Variants in FBXW11 observed in about 807,000 individuals in gnomAD.
The protein encoded by FBXW11 is F-box/WD repeat-containing protein 11.
FBXW11 carries 19 observed loss-of-function variants against 77.6 expected under a neutral mutation model. The observed-to-expected ratio is 0.24, with a 90% CI of 0.17 to 0.36. The LOEUF (loss-of-function observed/expected upper bound fraction) is 0.36. Among genes scored for constraint, FBXW11 ranks in the 10% least tolerant of loss-of-function variants. The pLI is 1.00. For synonymous variants in FBXW11, 235 were observed against 249.4 expected, an observed-to-expected ratio of 0.94 and a Z score of 0.54; for missense variants, 334 against 704.2, an observed-to-expected ratio of 0.47 and a Z score of 5.95.
chr5:171,897,429 C>T (rs772360439), intron 6 of FBXW11, among the ~76,000 whole-genome samples: 5 of 152,156 alleles, frequency 3.3e-5, no homozygotes, highest in South Asian at 2.1e-4. Context: ...GAGGCTGTGT[C>T]GCACAGGGTT....
intron 2 of FBXW11, among the ~76,000 whole-genome samples, chr5:171,939,696 CAAAAAAA>C (rs58051402): frequency 2.7e-4 from 22 of 80,048 alleles, no homozygotes; most frequent in African/African-American, 8.5e-4. Context: ...GACCCTGTCT[CAAAAAAA>C]AAAAAAAAAA....
At chr5:171,933,232 A>C (rs572245687) in intron 2 of FBXW11, among the ~76,000 whole-genome samples, 1 of 151,914 alleles carries the variant, frequency 6.6e-6, no homozygotes, top group South Asian at 2.1e-4. Context: ...TGGAAACTTA[A>C]ACATCTATTA....
At chr5:171,910,061 C>CTT (rs3087180) in intron 4 of FBXW11, among the ~76,000 whole-genome samples, 26 of 92,524 alleles carry the variant, frequency 2.8e-4, no homozygotes, top group African/African-American at 9.3e-4. Context: ...ATAATGAACA[C>CTT]TTTTTTTTTT....
rs780707122 is a variant in FBXW11 at position 171,868,909 on chromosome 5, C to T, written c.1531-113G>A. On this transcript the variant is annotated intron_variant, in intron 12 of 13. Coordinates refer to ENST00000517395, the MANE Select transcript of FBXW11 (RefSeq NM_001378974.1). ...CAGCCACTTAAACAGACTTCCTAAA[C>T]GACTGTACAGAGCTCACTGAACTGT... is the stretch of plus-strand genomic sequence containing the variant. 82 of 892,070 alleles carry T rather than the reference C, an allele frequency of 9.2e-5. 1 individual carries two copies. Among genetic ancestry groups the T allele is most frequent in the South Asian group, 2.5e-4 (14 of 56,610 alleles). The allele number at this position is 892,070 out of a possible 1,614,324, so 55.3% of individuals were successfully genotyped here.
At position 171,891,621 on chromosome 5, in the gene FBXW11, G is replaced by A; in HGVS notation, c.715-17C>T. On this transcript the variant is annotated splice_polypyrimidine_tract_variant and intron_variant, in intron 6 of 13. Coordinates refer to ENST00000517395, the MANE Select transcript of FBXW11 (RefSeq NM_001378974.1). Reference sequence around the variant, plus strand: ...TTCTATAGTCTAGGGAAAAAAGGAGGCAAGAGATGAGTTTTTATGAATCAA... The same window carrying A: ...TTCTATAGTCTAGGGAAAAAAGGAGACAAGAGATGAGTTTTTATGAATCAA... 1 of 1,600,386 alleles carries A rather than the reference G, an allele frequency of 6.2e-7. No homozygotes were observed. The highest frequency in any genetic ancestry group is 8.5e-7 in the Non-Finnish European group (1 of 1,175,756).
At chr5:171,993,678 T>C (rs1765876184) in intron 1 of FBXW11, among the ~76,000 whole-genome samples, 1 of 152,130 alleles carries the variant, frequency 6.6e-6, no homozygotes. Flanking sequence ...AATTAATAAA[T>C]TAAAATTTAG....
intron 3 of FBXW11, among the ~76,000 whole-genome samples, chr5:171,911,065 G>T (rs1760851893): frequency 6.6e-6 from 1 of 152,130 alleles, no homozygotes; most frequent in African/African-American, 2.4e-5. Flanking sequence ...ACTACAAAAT[G>T]ATGCTCCAAA....
intron 7 of FBXW11, among the ~76,000 whole-genome samples, chr5:171,887,123 C>T (rs1437652836): frequency 6.6e-6 from 1 of 152,148 alleles, no homozygotes; most frequent in Non-Finnish European, 1.5e-5. Flanking sequence ...TTCTCAGAGC[C>T]TTTATATGCT....
At chr5:171,954,454 A>G (rs1489626141) in intron 2 of FBXW11, among the ~76,000 whole-genome samples, 1 of 152,246 alleles carries the variant, frequency 6.6e-6, no homozygotes, top group Admixed American at 6.5e-5. Context: ...TGGAAAATAA[A>G]TGATACATAC....
chr5:171,994,608 T>C (rs959867659), intron 1 of FBXW11, among the ~76,000 whole-genome samples: 1 of 151,940 alleles, frequency 6.6e-6, no homozygotes, highest in Non-Finnish European at 1.5e-5. Context: ...TGTATAAGGA[T>C]AAAAAAAAGT....
chr5:171,951,007 T>C (rs960364504), intron 2 of FBXW11, among the ~76,000 whole-genome samples: 16 of 152,248 alleles, frequency 1.1e-4, no homozygotes, highest in Non-Finnish European at 8.8e-5. Flanking sequence ...GAACAAAATG[T>C]TAACATTCGT....
At chr5:171,910,502 A>T (rs2113930185) in intron 4 of FBXW11, 70 bp downstream of exon 4, 2 of 1,034,530 alleles carry the variant, frequency 1.9e-6, no homozygotes, top group African/African-American at 3.2e-5. Flanking sequence ...TCATTTCATA[A>T]ATATCCACCT....
Position 171,993,569 on chromosome 5 carries a change from C to T in FBXW11, c.45+12889G>A, listed in dbSNP as rs1052959336. 6.6e-5 allele frequency among the ~76,000 whole-genome samples: 10 copies of T among 152,014 alleles called. No individual in the cohort carries two copies. In the South Asian group the frequency reaches 1.5e-3, roughly 22 times the overall value. The stretch of plus-strand genomic sequence containing the variant: ...CGGAGGTTGCAGTGAGCCACGATCG[C>T]GCCACTGCACTCCAGCCTGGTGACA... On this transcript the variant is annotated intron_variant, in intron 1 of 13. Transcript: ENST00000517395.
chr5:171,934,007 A>G (rs1251600646), intron 2 of FBXW11, among the ~76,000 whole-genome samples: 1 of 152,262 alleles, frequency 6.6e-6, no homozygotes, highest in Non-Finnish European at 1.5e-5. Flanking sequence ...AGCCCTTATG[A>G]GAGTAATTTT....
At chr5:171,875,798 A>T (rs2113775168) in intron 9 of FBXW11, among the ~76,000 whole-genome samples, 1 of 152,232 alleles carries the variant, frequency 6.6e-6, no homozygotes, top group East Asian at 1.9e-4. Context: ...CTTCATCATC[A>T]TATCCCTAGC....
chr5:171,960,227 T>C (rs572713548), intron 1 of FBXW11, among the ~76,000 whole-genome samples: 2 of 152,226 alleles, frequency 1.3e-5, no homozygotes, highest in Admixed American at 6.5e-5. Flanking sequence ...AATACAAAAG[T>C]AGCCAAGCAT....
At chr5:171,916,677 C>G (rs1381586878) in intron 2 of FBXW11, among the ~76,000 whole-genome samples, 1 of 152,164 alleles carries the variant, frequency 6.6e-6, no homozygotes, top group Non-Finnish European at 1.5e-5. Flanking sequence ...TGACTCAGTA[C>G]AGCATCCCCT....
chr5:171,884,523 G>A (rs1405457077), intron 7 of FBXW11, among the ~76,000 whole-genome samples: 1 of 152,088 alleles, frequency 6.6e-6, no homozygotes, highest in African/African-American at 2.4e-5. Flanking sequence ...TGGCTACATG[G>A]GCTCTTTTTT....
intron 2 of FBXW11, among the ~76,000 whole-genome samples, chr5:171,919,235 C>T (rs1417892179): frequency 3.3e-5 from 5 of 152,154 alleles, no homozygotes; most frequent in Non-Finnish European, 5.9e-5. Flanking sequence ...ATATATACAG[C>T]TGATCATGGA....
Sources: allele counts gnomAD v4.1 joint callset (sites outside exome capture counted in the v4.1 genomes callset), GRCh38; gene constraint gnomAD v4.1.1; transcripts MANE v1.5; gene names NCBI Gene and HGNC (gene_info 2026-07-23, HGNC 2026-07-21).